Variants in ZNF573 observed in about 807,000 individuals in gnomAD.
ZNF573 encodes zinc finger protein 573.
Under a neutral mutation model 57.4 loss-of-function variants are expected in ZNF573, and 41 were observed. The ratio of observed to expected loss-of-function variants is 0.71; its 90% confidence interval spans 0.56 to 0.93. The LOEUF (loss-of-function observed/expected upper bound fraction) is 0.93, where lower values mean the gene tolerates loss of function less well. Among genes scored for constraint, ZNF573 ranks in the 40% least tolerant of loss-of-function variants. ZNF573 has a pLI of 0.00. For missense variants in ZNF573, 730 were observed against 794.8 expected (o/e 0.92, Z 0.98); for synonymous variants, 249 against 261.0 (o/e 0.95, Z 0.44).
intron 4 of ZNF573, among the ~76,000 whole-genome samples, chr19:37,760,182 T>A (rs1200241992): frequency 6.6e-6 from 1 of 152,144 alleles, no homozygotes; most frequent in Non-Finnish European, 1.5e-5. Flanking sequence ...CACGAGCAAT[T>A]ACCATACCTA....
chr19:37,773,014 ATAT>A, intron 2 of ZNF573: 1 of 974,588 alleles, frequency 1.0e-6, no homozygotes, highest in East Asian at 1.1e-4. Flanking sequence ...CCTTAGGATA[ATAT>A]TCTCATTCAT....
intron 4 of ZNF573, chr19:37,740,726 A>G (rs1052509672): frequency 5.1e-6 from 2 of 389,886 alleles, no homozygotes; most frequent in African/African-American, 2.1e-5. Context: ...ATATAGTACA[A>G]TTGCCCCTTG....
chr19:37,757,727 A>G (rs1179822193), intron 4 of ZNF573, among the ~76,000 whole-genome samples: 1 of 152,194 alleles, frequency 6.6e-6, no homozygotes, highest in Non-Finnish European at 1.5e-5. Context: ...ATGCTGCTAT[A>G]AAGACACATG....
chr19:37,746,953 G>A (rs1025600443), intron 4 of ZNF573, among the ~76,000 whole-genome samples: 4 of 152,168 alleles, frequency 2.6e-5, no homozygotes, highest in Non-Finnish European at 4.4e-5. Flanking sequence ...CTGATTCCAG[G>A]ACCACGGGAG....
Position 37,739,679 on chromosome 19 carries a change from C to T in ZNF573, c.811G>A (p.Glu271Lys), listed in dbSNP as rs776046954. ...CATTCCTTACATTTATATGGTTTTT[C>T]GCCAGTATGAACTCTCTGATGAATT... ...LRIHQRVHTG[E>K]KPYKCKECGK... Residue 271 changes from glutamate to lysine, a missense_variant, in exon 5 of 5, where the codon GAA (glutamate) becomes AAA (lysine). Glu to Lys is a moderately conservative substitution (Grantham distance 56, BLOSUM62 1). Coordinates refer to ENST00000536220, the MANE Select transcript of ZNF573 (RefSeq NM_001172690.2). The T allele has an allele frequency of 9.9e-6, 16 of 1,613,364 alleles. No homozygotes were observed. Among genetic ancestry groups the T allele is most frequent in the Admixed American group, 3.3e-5 (2 of 59,848 alleles).
intron 4 of ZNF573, among the ~76,000 whole-genome samples, chr19:37,750,075 A>AT (rs1014407041): frequency 2.0e-5 from 3 of 149,738 alleles, no homozygotes; most frequent in Admixed American, 6.7e-5. Context: ...ATCCAACATT[A>AT]TTTTTTTTTA....
chr19:37,771,209 T>C (rs377584460), intron 3 of ZNF573, among the ~76,000 whole-genome samples: 2 of 151,694 alleles, frequency 1.3e-5, no homozygotes, highest in Admixed American at 6.6e-5. Flanking sequence ...AGCATATCTA[T>C]AGGAATTCTG....
At chr19:37,760,064 C>T (rs1320286630) in intron 4 of ZNF573, among the ~76,000 whole-genome samples, 1 of 152,182 alleles carries the variant, frequency 6.6e-6, no homozygotes, top group African/African-American at 2.4e-5. Context: ...TCTGGTGTTG[C>T]AGCTTCAAAA....
At chr19:37,771,826 C>T (rs562625415) in intron 2 of ZNF573, 130 bp from the exon 3 acceptor site, 14 of 865,710 alleles carry the variant, frequency 1.6e-5, no homozygotes, top group Admixed American at 3.5e-5. Flanking sequence ...ACTAAAGCAA[C>T]GTGTCTACAT....
In ZNF573 at chr19:37,775,858, AC is replaced by A. The variant is rs397948400; in HGVS notation, c.-22-2108del. On this transcript the variant is annotated intron_variant, in intron 1 of 4. Coordinates refer to ENST00000536220, the MANE Select transcript of ZNF573 (RefSeq NM_001172690.2). ...CAACAGCTGCAAAAAAAAAAAAAAA[AC>A]CACAAAAGAAAACAAAAACAAAACA... Among the ~76,000 whole-genome samples, 11 of 142,712 alleles carry A rather than the reference AC, an allele frequency of 7.7e-5. No individual in the cohort carries two copies. In the South Asian group the frequency reaches 1.1e-3, roughly 15 times the overall value. 93.6% of individuals were successfully genotyped at this position (142,712 alleles called of 152,430 possible). A position where few individuals can be genotyped will look rare whatever the true frequency, so the allele number is the denominator to read the frequency against.
At chr19:37,746,186 A>G (rs2045380700) in intron 4 of ZNF573, among the ~76,000 whole-genome samples, 1 of 152,246 alleles carries the variant, frequency 6.6e-6, no homozygotes, top group Non-Finnish European at 1.5e-5. Context: ...GCACTGTGAT[A>G]TGATAAAATA....
chr19:37,772,613 T>C (rs1254621283), intron 2 of ZNF573, among the ~76,000 whole-genome samples: 1 of 151,952 alleles, frequency 6.6e-6, no homozygotes, highest in Non-Finnish European at 1.5e-5. Flanking sequence ...TTAATCCATC[T>C]TTTACCTCGT....
intron 4 of ZNF573, among the ~76,000 whole-genome samples, chr19:37,753,482 T>C (rs1188515175): frequency 1.3e-5 from 2 of 152,144 alleles, no homozygotes; most frequent in Non-Finnish European, 2.9e-5. Flanking sequence ...GTAAATTTTT[T>C]TTTAAAGAGA....
chr19:37,752,741 C>T (rs1159871098), intron 4 of ZNF573, among the ~76,000 whole-genome samples: 1 of 152,038 alleles, frequency 6.6e-6, no homozygotes, highest in African/African-American at 2.4e-5. Context: ...CTCAAGCCAT[C>T]CTCCCATCTC....
intron 1 of ZNF573, chr19:37,778,374 G>A (rs1050098532): frequency 7.0e-6 from 1 of 143,102 alleles, no homozygotes; most frequent in African/African-American, 2.5e-5. Context: ...ACTAATTTTT[G>A]TATTTTTAGT....
chr19:37,772,639 CTTT>C (rs1011436332), intron 2 of ZNF573, among the ~76,000 whole-genome samples: 1 of 138,378 alleles, frequency 7.2e-6, no homozygotes. Context: ...TTTTTTAAAT[CTTT>C]TTTTTTTTTT....
intron 4 of ZNF573, among the ~76,000 whole-genome samples, chr19:37,749,268 A>G (rs1168093384): frequency 6.6e-6 from 1 of 151,690 alleles, no homozygotes; most frequent in Non-Finnish European, 1.5e-5. Flanking sequence ...TTAACTGTAT[A>G]TATATTATAT....
Position 37,739,777 on chromosome 19 carries a change from C to A in ZNF573, c.713G>T (p.Arg238Ile). Residue 238 changes from arginine to isoleucine, a missense_variant, in exon 5 of 5, where the codon AGA (arginine) becomes ATA (isoleucine). Arg to Ile is a moderately conservative substitution (Grantham distance 97). Coordinates refer to ENST00000536220, the MANE Select transcript of ZNF573 (RefSeq NM_001172690.2). The part of the protein sequence containing the change: ...IYASHIVQHE[R>I]IHTGGKPYEC... ...ATACGGCTTCCCACCAGTGTGAATT[C>A]TCTCATGTTGAACAATGTGTGAGGC... 6.2e-7 allele frequency: 1 copy of A among 1,614,116 alleles called. No individual in the cohort carries two copies. Among genetic ancestry groups the A allele is most frequent in the Non-Finnish European group, 8.5e-7 (1 of 1,179,996 alleles).
At chr19:37,761,018 T>C (rs533661057) in intron 4 of ZNF573, among the ~76,000 whole-genome samples, 36 of 151,862 alleles carry the variant, frequency 2.4e-4, no homozygotes, top group African/African-American at 8.7e-4. Flanking sequence ...GTCAACATGG[T>C]GAAAACCCAT....
Sources: gnomAD v4.1 joint callset for allele counts (sites outside exome capture counted in the v4.1 genomes callset) on GRCh38, gnomAD v4.1.1 for gene constraint, MANE v1.5 for transcripts, NCBI Gene and HGNC (gene_info 2026-07-23, HGNC 2026-07-21) for gene names.